MED8: variants seen among roughly 807,000 people sequenced by gnomAD.
MED8 encodes the protein mediator complex subunit 8.
Under a neutral mutation model 34.8 loss-of-function variants are expected in MED8, and 22 were observed. The ratio of observed to expected loss-of-function variants is 0.63; its 90% CI spans 0.45 to 0.90. The LOEUF (loss-of-function observed/expected upper bound fraction) is 0.90. Ranked by LOEUF, MED8 falls within the 40% of genes least tolerant of loss-of-function variation. The probability of loss-of-function intolerance (pLI) is 0.00; values close to 1 mark genes in which losing one functional copy is unlikely to be tolerated. For synonymous variants in MED8, 105 were observed against 120.2 expected (o/e 0.87, Z 0.83); for missense variants, 260 against 326.3 (o/e 0.80, Z 1.57).
Position 43,386,250 on chromosome 1 carries a change from C to T in MED8, c.494-24G>A. ...ACCTGAAGAAAAAGTAATGGGGATCCTGAAGTATGCTTCTGATGCAGGACT... is the reference window on the plus strand; with the variant it reads ...ACCTGAAGAAAAAGTAATGGGGATCTTGAAGTATGCTTCTGATGCAGGACT... On this transcript the variant is annotated intron_variant, in intron 5 of 6. Coordinates refer to ENST00000372457, the MANE Select transcript of MED8 (RefSeq NM_201542.5). This position sits in a 1 kb window ranked among gnomAD's most constrained non-coding sequence, Gnocchi z 4.9. The T allele has an allele frequency of 1.2e-6, 2 of 1,605,162 alleles. No homozygotes were observed. The highest frequency in any genetic ancestry group is 2.7e-5 in the African/African-American group (2 of 74,932).
chr1:43,386,946 T>C lies in MED8; in HGVS notation c.323A>G (p.His108Arg). The change falls in exon 4 of 7, where the codon CAT becomes CGT. Residue 108 changes from histidine (H) to arginine (R), a missense_variant. Physicochemically the swap from His to Arg is conservative, Grantham distance 29. Coordinates refer to ENST00000372457, the MANE Select transcript of MED8 (RefSeq NM_201542.5). The surrounding 1 kb of genome is among the most constrained non-coding windows in gnomAD (Gnocchi z 4.9). ...TTCAGGGTCAGGCTTGGTTCTCAGA[T>C]GGTCAGGGACTACCTCATGGCTGAA... is the stretch of plus-strand genomic sequence containing the variant. The part of the protein sequence containing the change: ...PVFSHEVVPD[H>R]LRTKPDPEVE... 1 of 1,614,026 alleles carries C rather than the reference T, an allele frequency of 6.2e-7. No homozygotes were observed. Among genetic ancestry groups the C allele is most frequent in the Non-Finnish European group, 8.5e-7 (1 of 1,179,900 alleles).
chr1:43,387,087 T>C (rs1197145701), intron 3 of MED8, 89 bp from the exon 4 acceptor site: 6 of 1,526,212 alleles, frequency 3.9e-6, no homozygotes, highest in Non-Finnish European at 5.3e-6. Context: ...AGGCAAACAG[T>C]GCATTTTCAA....
chr1:43,385,799 G>T, intron 6 of MED8, 179 bp downstream of exon 6: 1 of 897,592 alleles, frequency 1.1e-6, no homozygotes, highest in Non-Finnish European at 1.7e-6. Context: ...ACTCTCTGGT[G>T]CCTGTTGCAG....
At chr1:43,389,554 T>C (rs1647983032) in intron 1 of MED8, among the ~76,000 whole-genome samples, 1 of 151,982 alleles carries the variant, frequency 6.6e-6, no homozygotes, top group South Asian at 2.1e-4. Flanking sequence ...AGCCCGACTG[T>C]CTCCTGTCAG....
intron 3 of MED8, 56 bp downstream of exon 3, chr1:43,387,446 TA>T: frequency 1.3e-6 from 2 of 1,580,696 alleles, no homozygotes; most frequent in Non-Finnish European, 1.7e-6. Context: ...CCCTAAATAC[TA>T]AAGAAGCCTA....
At chr1:43,389,622 C>G in intron 1 of MED8, 137 bp downstream of exon 1, 20 of 1,363,146 alleles carry the variant, frequency 1.5e-5, no homozygotes, top group Non-Finnish European at 2.0e-5. Context: ...GCCTCGCCCC[C>G]CAGCCCACAT....
At position 43,384,568 on chromosome 1, in the gene MED8, G is replaced by A. The variant is rs1647660490; in HGVS notation, c.*474C>T. The stretch of plus-strand genomic sequence containing the variant: ...GCAGGAGGGCCTGCAAAAACAGTGT[G>A]CCTCTAAGAACACAGAGGTTGCTAC... On this transcript the variant is annotated 3_prime_UTR_variant, in exon 7 of 7. Transcript: ENST00000372457. 1 of 1,596,418 alleles carries A rather than the reference G, an allele frequency of 6.3e-7. No homozygotes were observed. The highest frequency in any genetic ancestry group is 8.5e-7 in the Non-Finnish European group (1 of 1,172,130).
At position 43,384,344 on chromosome 1, in the gene MED8, C is replaced by T. The variant is rs1016781278; in HGVS notation, c.*698G>A. 4 of 1,387,944 alleles carry T rather than the reference C, an allele frequency of 2.9e-6. No homozygotes were observed. Among genetic ancestry groups the T allele is most frequent in the African/African-American group, 3.0e-5 (2 of 67,498 alleles). 86.0% of individuals were successfully genotyped at this position (1,387,944 alleles called of 1,614,324 possible). Reference sequence around the variant, plus strand: ...CTGGCAGAGCCACTTCCTGAGAAAGCCTCGTGTGTATAAGGTGGGGTAAAG... The same window carrying T: ...CTGGCAGAGCCACTTCCTGAGAAAGTCTCGTGTGTATAAGGTGGGGTAAAG... On this transcript the variant is annotated 3_prime_UTR_variant, in exon 7 of 7. Coordinates refer to ENST00000372457, the MANE Select transcript of MED8 (RefSeq NM_201542.5).
At chr1:43,387,930 A>G (rs1304464509) in intron 2 of MED8, among the ~76,000 whole-genome samples, 1 of 152,212 alleles carries the variant, frequency 6.6e-6, no homozygotes, top group Non-Finnish European at 1.5e-5. Context: ...GTTATAACTA[A>G]AACTTCAGAA....
rs1021170704 is a variant in MED8 at position 43,385,254 on chromosome 1, A to T, written c.743-148T>A. On this transcript the variant is annotated intron_variant, in intron 6 of 6. Transcript: ENST00000372457. The stretch of plus-strand genomic sequence containing the variant: ...ACCCTGTTTGACAGAGGTCAGAAGT[A>T]TGATTCTTCACCCAGCTGTCTCCCT... 5 of 1,020,792 alleles carry T rather than the reference A, an allele frequency of 4.9e-6. No homozygotes were observed. In the African/African-American group the frequency reaches 8.1e-5, roughly 17 times the overall value. 63.2% of individuals were successfully genotyped at this position (1,020,792 alleles called of 1,614,324 possible). A position where few individuals can be genotyped will look rare whatever the true frequency, so the allele number is the denominator to read the frequency against.
In MED8 at chr1:43,386,920, C is replaced by T. The variant is rs759214881; in HGVS notation, c.349G>A (p.Val117Met). 27 of 1,613,912 alleles carry T rather than the reference C, an allele frequency of 1.7e-5. No homozygotes were observed. Among genetic ancestry groups the T allele is most frequent in the African/African-American group, 1.3e-5 (1 of 74,924 alleles). ...GTCAGTTGCTTCTCCTGTTCTTCCA[C>T]TTCAGGGTCAGGCTTGGTTCTCAGA... ...DHLRTKPDPE[V>M]EEQEKQLTTD... is the part of the protein sequence containing the mutation. The change falls in exon 4 of 7, where the codon GTG (valine) becomes ATG (methionine). Residue 117 changes from valine (V) to methionine (M), a missense_variant. Physicochemically the swap from Val to Met is conservative, Grantham distance 21 (BLOSUM62 1). Coordinates refer to ENST00000372457, the MANE Select transcript of MED8 (RefSeq NM_201542.5). This position sits in a 1 kb window ranked among gnomAD's most constrained non-coding sequence, Gnocchi z 4.9.
In MED8 at chr1:43,385,019, G is replaced by A; in HGVS notation, c.*23C>T. 2 of 1,553,118 alleles carry A rather than the reference G, an allele frequency of 1.3e-6. No individual in the cohort carries two copies. The highest frequency in any genetic ancestry group is 1.7e-6 in the Non-Finnish European group (2 of 1,147,964). ...TGCCCAACTCTGCAAAGAGCACCAG[G>A]GAGTCGAGGTTGCCAGCCACACTCA... On this transcript the variant is annotated 3_prime_UTR_variant, in exon 7 of 7. Transcript: ENST00000372457.
At position 43,387,504 on chromosome 1, in the gene MED8, A is replaced by G. The variant is rs1303228725; in HGVS notation, c.269T>C (p.Met90Thr). Reference sequence around the variant, plus strand: ...GTTGTATTCTTTTTCTCCTCTTACCATGAGATCTTCATCTCGGTCTGGAGA... The same window carrying G: ...GTTGTATTCTTTTTCTCCTCTTACCGTGAGATCTTCATCTCGGTCTGGAGA... Reference protein sequence around the residue: ...VLSPDRDEDLMRQTEGRVPVF... With the variant: ...VLSPDRDEDLTRQTEGRVPVF... Residue 90 changes from methionine (M) to threonine (T), a missense_variant and splice_region_variant, in exon 3 of 7, where the codon ATG becomes ACG. Physicochemically the swap from Met to Thr is moderately conservative, Grantham distance 81 (BLOSUM62 -1). Transcript: ENST00000372457. The G allele has an allele frequency of 3.7e-6, 6 of 1,613,886 alleles. No homozygotes were observed. The highest frequency in any genetic ancestry group is 1.3e-5 in the African/African-American group (1 of 74,936).
In MED8 at chr1:43,385,025, G is replaced by C. The variant is rs76930676; in HGVS notation, c.*17C>G. The C allele has an allele frequency of 6.4e-7, 1 of 1,553,770 alleles. No homozygotes were observed. Among genetic ancestry groups the C allele is most frequent in the Admixed American group, 2.0e-5 (1 of 51,128 alleles). On this transcript the variant is annotated 3_prime_UTR_variant, in exon 7 of 7. Transcript: ENST00000372457. Reference sequence around the variant, plus strand: ...ACTCTGCAAAGAGCACCAGGGAGTCGAGGTTGCCAGCCACACTCACCGCTG... The same window carrying C: ...ACTCTGCAAAGAGCACCAGGGAGTCCAGGTTGCCAGCCACACTCACCGCTG...
At position 43,387,413 on chromosome 1, in the gene MED8, G is replaced by A. The variant is rs1647771791; in HGVS notation, c.270+90C>T. The A allele has an allele frequency of 4.0e-6, 6 of 1,487,036 alleles. No homozygotes were observed. The East Asian group carries it at 7.3e-5, about 18-fold the overall frequency. 92.1% of individuals were successfully genotyped at this position (1,487,036 alleles called of 1,614,324 possible). On this transcript the variant is annotated intron_variant, in intron 3 of 6. Transcript: ENST00000372457. ...GCAAGGCCTCCAAAATTATTTCTAG[G>A]CTCTCAGCTAATAACTTAATTTCCC... is the stretch of plus-strand genomic sequence containing the variant.
In MED8 at chr1:43,384,206, C is replaced by T. The variant is rs539826928; in HGVS notation, c.*836G>A. 407 of 418,324 alleles carry T rather than the reference C, an allele frequency of 9.7e-4. 1 individual carries two copies. In the South Asian group the frequency reaches 0.017, roughly 18 times the overall value. The allele number at this position is 418,324 out of a possible 1,614,324, so 25.9% of individuals were successfully genotyped here. A position where few individuals can be genotyped will look rare whatever the true frequency, so the allele number is the denominator to read the frequency against. On this transcript the variant is annotated 3_prime_UTR_variant, in exon 7 of 7. Coordinates refer to ENST00000372457, the MANE Select transcript of MED8 (RefSeq NM_201542.5). Reference sequence around the variant, plus strand: ...GGCACCATTATGAGGTCAACTAAACCCTGATGGCAGTGTGAAGTGCAATTC... The same window carrying T: ...GGCACCATTATGAGGTCAACTAAACTCTGATGGCAGTGTGAAGTGCAATTC...
rs1193981963 is a variant in MED8 at position 43,389,756 on chromosome 1, C to T, written c.6+3G>A. The stretch of plus-strand genomic sequence containing the variant: ...CCGCTAGTACGCCCAACGCAACTCT[C>T]ACCTGCATTGCGGCGGCCGAGGCGG... On this transcript the variant is annotated splice_donor_region_variant and intron_variant, in intron 1 of 6. Transcript: ENST00000372457. 6.2e-7 allele frequency: 1 copy of T among 1,609,062 alleles called. No individual in the cohort carries two copies. Among genetic ancestry groups the T allele is most frequent in the African/African-American group, 1.3e-5 (1 of 74,362 alleles).
Position 43,386,203 on chromosome 1 carries a change from A to T in MED8, c.517T>A (p.Phe173Ile). ...SGGLRPNKQT[F>I]NPTDTNALVA... ...AAGGCATTAGTGTCTGTAGGGTTAA[A>T]GGTCTGCTTGTTCGGCCGGAGACCT... Residue 173 changes from phenylalanine (F) to isoleucine (I), a missense_variant, in exon 6 of 7, where the codon TTT (phenylalanine) becomes ATT (isoleucine). Phe to Ile is a conservative substitution (Grantham distance 21). Coordinates refer to ENST00000372457, the MANE Select transcript of MED8 (RefSeq NM_201542.5). The surrounding 1 kb of genome is among the most constrained non-coding windows in gnomAD (Gnocchi z 4.9). 1 of 1,613,836 alleles carries T rather than the reference A, an allele frequency of 6.2e-7. No individual in the cohort carries two copies. The highest frequency in any genetic ancestry group is 1.3e-5 in the African/African-American group (1 of 75,072).
Position 43,386,163 on chromosome 1 carries a change from G to A in MED8, c.557C>T (p.Ala186Val). The A allele has an allele frequency of 6.2e-7, 1 of 1,614,008 alleles. No individual in the cohort carries two copies. The change falls in exon 6 of 7, where the codon GCC (alanine) becomes GTC (valine). Residue 186 changes from alanine (A) to valine (V), a missense_variant. Physicochemically the swap from Ala to Val is moderately conservative, Grantham distance 64. Transcript: ENST00000372457. The surrounding 1 kb of genome is among the most constrained non-coding windows in gnomAD (Gnocchi z 4.9). ...CCAATTAGATAGTCCTTTCCCAAAG[G>A]CAACAGCTGCCACCAAGGCATTAGT... The part of the protein sequence containing the change: ...TDTNALVAAV[A>V]FGKGLSNWRP...
Sources: gnomAD v4.1 joint callset for allele counts (sites outside exome capture counted in the v4.1 genomes callset) on GRCh38, gnomAD v4.1.1 for gene constraint, Gnocchi (gnomAD v3.1) non-coding constraint, MANE v1.5 for transcripts, NCBI Gene and HGNC (gene_info 2026-07-23, HGNC 2026-07-21) for gene names.